EDARADD: variants seen among roughly 807,000 people sequenced by gnomAD.
EDARADD encodes ectodysplasin-A receptor-associated adapter protein.
Under a neutral mutation model 25.6 loss-of-function variants are expected in EDARADD, and 20 were observed. That is an observed-to-expected ratio of 0.78 (90% CI 0.55 to 1.14). The LOEUF is 1.14. EDARADD is among the 50% of genes most tolerant of loss of function. The pLI is 0.00. For missense variants in EDARADD, 225 were observed against 270.1 expected (o/e 0.83, Z 1.17); for synonymous variants, 86 against 94.4 (o/e 0.91, Z 0.52).
chr1:236,465,514 A>C (rs934646305), intron 4 of EDARADD, among the ~76,000 whole-genome samples: 2 of 151,994 alleles, frequency 1.3e-5, no homozygotes, highest in Non-Finnish European at 2.9e-5. Flanking sequence ...TCCATCTCAA[A>C]CATGTCTGTC....
chr1:236,426,943 G>A (rs1009482457), intron 3 of EDARADD, among the ~76,000 whole-genome samples: 1 of 152,030 alleles, frequency 6.6e-6, no homozygotes. Context: ...GTGCAATGGC[G>A]TGGTCTCAGC....
chr1:236,386,942 G>A (rs1450882018), intron 3 of EDARADD, among the ~76,000 whole-genome samples: 278 of 43,810 alleles, frequency 6.3e-3, no homozygotes, highest in Non-Finnish European at 8.9e-3. Context: ...CCCCCCGCCC[G>A]GCCAGCCGCC....
chr1:236,416,591 A>C (rs1330780857), intron 3 of EDARADD, among the ~76,000 whole-genome samples: 1 of 152,188 alleles, frequency 6.6e-6, no homozygotes, highest in Non-Finnish European at 1.5e-5. Flanking sequence ...ACCATACCCT[A>C]GGTCTTCCCT....
chr1:236,446,668 T>C (rs1366354566), intron 4 of EDARADD, among the ~76,000 whole-genome samples: 2 of 152,252 alleles, frequency 1.3e-5, no homozygotes, highest in East Asian at 3.8e-4. Context: ...ATGCTGTGCA[T>C]GAAATAGAAT....
At chr1:236,468,199 G>C in intron 4 of EDARADD, 32 bp from the exon 5 acceptor site, 3 of 1,603,178 alleles carry the variant, frequency 1.9e-6, no homozygotes, top group Non-Finnish European at 2.6e-6. Flanking sequence ...ATTTGGATAT[G>C]ATTTTAATGA....
intron 5 of EDARADD, among the ~76,000 whole-genome samples, chr1:236,473,734 G>A (rs1659424587): frequency 1.3e-5 from 2 of 152,112 alleles, no homozygotes; most frequent in Admixed American, 6.5e-5. Context: ...GCAGTGAGGC[G>A]TGATTGTGCC....
chr1:236,427,262 C>A (rs978402169), intron 3 of EDARADD, 130 bp from the exon 4 acceptor site: 14 of 829,520 alleles, frequency 1.7e-5, no homozygotes, highest in Middle Eastern at 2.3e-4. Context: ...TGTAGTCCAG[C>A]CCTTCTGATT....
chr1:236,470,320 C>T (rs534163039), intron 5 of EDARADD, among the ~76,000 whole-genome samples: 3 of 152,134 alleles, frequency 2.0e-5, no homozygotes, highest in Non-Finnish European at 4.4e-5. Context: ...TCCATATGCT[C>T]ATCTGAATTT....
chr1:236,434,246 T>A (rs1658182741), intron 4 of EDARADD, among the ~76,000 whole-genome samples: 1 of 149,948 alleles, frequency 6.7e-6, no homozygotes, highest in African/African-American at 2.4e-5. Context: ...TTTTTTTGCT[T>A]TTTTTTTTTG....
intron 4 of EDARADD, among the ~76,000 whole-genome samples, chr1:236,445,049 A>G (rs752917720): frequency 6.6e-6 from 1 of 151,954 alleles, no homozygotes; most frequent in East Asian, 1.9e-4. Context: ...TAGGAAAGCA[A>G]TTGACTTATT....
intron 4 of EDARADD, among the ~76,000 whole-genome samples, chr1:236,441,311 A>AAT (rs1296853485): frequency 2.1e-5 from 3 of 145,052 alleles, no homozygotes; most frequent in Non-Finnish European, 4.5e-5. Context: ...GTCATATATA[A>AAT]ATATATATAA....
chr1:236,466,893 CCT>C (rs1480849657), intron 4 of EDARADD, among the ~76,000 whole-genome samples: 4 of 152,030 alleles, frequency 2.6e-5, no homozygotes, highest in Non-Finnish European at 5.9e-5. Flanking sequence ...ATGGTGAAAC[CCT>C]GTCTCTGCTA....
intron 1 of EDARADD, among the ~76,000 whole-genome samples, chr1:236,394,727 A>C (rs2103000265): frequency 6.6e-6 from 1 of 152,342 alleles, no homozygotes; most frequent in South Asian, 2.1e-4. Flanking sequence ...GCCTTCCTAT[A>C]ATAGGCTTAT....
intron 5 of EDARADD, among the ~76,000 whole-genome samples, chr1:236,480,232 C>G (rs1421859709): frequency 2.0e-5 from 3 of 150,482 alleles, no homozygotes; most frequent in Non-Finnish European, 4.4e-5. Flanking sequence ...ACATCACAAA[C>G]ATTTTCTAGG....
At chr1:236,452,990 T>A (rs1003179860) in intron 4 of EDARADD, among the ~76,000 whole-genome samples, 1 of 152,222 alleles carries the variant, frequency 6.6e-6, no homozygotes, top group African/African-American at 2.4e-5. Context: ...AATGTCACGA[T>A]GTGAGTACTT....
In EDARADD at chr1:236,468,244, G is replaced by C. The variant is rs904060537; in HGVS notation, c.233G>C (p.Gly78Ala). 6 of 1,614,052 alleles carry C rather than the reference G, an allele frequency of 3.7e-6. No homozygotes were observed. The East Asian group carries it at 1.1e-4, about 30-fold the overall frequency. Residue 78 changes from glycine (G) to alanine (A), a missense_variant, in exon 5 of 6, where the codon GGC (glycine) becomes GCC (alanine). Coordinates refer to ENST00000334232, the MANE Select transcript of EDARADD (RefSeq NM_145861.4). Reference sequence around the variant, plus strand: ...TTTGGTTTTTAGGGAGAAGAAAATGGCTTTCCAGATAGCACTGGAGATCCT... The same window carrying C: ...TTTGGTTTTTAGGGAGAAGAAAATGCCTTTCCAGATAGCACTGGAGATCCT... ...SDMKNQGEENGFPDSTGDPLP... is the reference protein window; with the variant it reads ...SDMKNQGEENAFPDSTGDPLP...
intron 2 of EDARADD, among the ~76,000 whole-genome samples, chr1:236,409,571 AT>A (rs1156407594): frequency 2.7e-5 from 4 of 149,272 alleles, no homozygotes; most frequent in Admixed American, 6.7e-5. Context: ...TTTCATTTTT[AT>A]TTTTTTTTAG....
rs116060042 is a variant in EDARADD, at chr1:236,440,661, C to T, written c.219+13211C>T. ...CCATTTTTCTAACAGCATGTGTTCA[C>T]TTTGTGTCTCTGTGTCACAATTTGG... is the stretch of plus-strand genomic sequence containing the variant. On this transcript the variant is annotated intron_variant, in intron 4 of 5. Transcript: ENST00000334232. 8.4e-3 allele frequency among the ~76,000 whole-genome samples: 1,271 copies of T among 151,740 alleles called. 9 individuals carry two copies. Among genetic ancestry groups the T allele is most frequent in the Middle Eastern group, 0.02 (6 of 294 alleles).
chr1:236,399,878 C>A (rs910165849), intron 1 of EDARADD, among the ~76,000 whole-genome samples: 1 of 152,228 alleles, frequency 6.6e-6, no homozygotes, highest in African/African-American at 2.4e-5. Flanking sequence ...GAACCCTGGG[C>A]CTGGGCCACC....
Sources: gnomAD v4.1 joint callset for allele counts (sites outside exome capture counted in the v4.1 genomes callset) on GRCh38, gnomAD v4.1.1 for gene constraint, MANE v1.5 for transcripts, NCBI Gene and HGNC (gene_info 2026-07-23, HGNC 2026-07-21) for gene names.